PLCH1: variants seen among roughly 807,000 people sequenced by gnomAD.
PLCH1 encodes the protein phospholipase C eta 1, also known as 1-phosphatidylinositol 4,5-bisphosphate phosphodiesterase eta-1.
A neutral mutation model predicts 126.7 loss-of-function variants in PLCH1; 60 were observed. The observed-to-expected ratio is 0.47, with a 90% CI of 0.38 to 0.59. PLCH1 has a LOEUF of 0.59. PLCH1 is among the 20% of genes least tolerant of loss of function. The pLI, the probability that PLCH1 is intolerant of heterozygous loss-of-function variation, is 0.00. For synonymous variants in PLCH1, 719 were observed against 734.9 expected, an observed-to-expected ratio of 0.98 and a Z score of 0.35; for missense variants, 1,723 against 2,040.0, an observed-to-expected ratio of 0.84 and a Z score of 2.99.
intron 6 of PLCH1, 67 bp downstream of exon 6, chr3:155,583,405 C>T: frequency 7.6e-7 from 1 of 1,316,854 alleles, no homozygotes; most frequent in Non-Finnish European, 1.1e-6. Flanking sequence ...ATATTTAACC[C>T]CAAAAGAAAG....
In PLCH1 at chr3:155,488,700, A is replaced by G. The variant is rs773202614; in HGVS notation, c.2499T>C (p.Phe833=). ...TGAAGGTCACAGTTCTTTGTCCAAC[A>G]AAGTCTCGTCCAATGGGATCGTGAT... is the stretch of plus-strand genomic sequence containing the variant. ...VWDHDPIGRD[F]VGQRTVTFSS... is the part of the protein sequence containing the mutation. The change falls in exon 20 of 23, where the codon TTT becomes TTC. Residue 833 remains phenylalanine, a synonymous_variant. Transcript: ENST00000460012. The G allele has an allele frequency of 2.5e-6, 4 of 1,614,008 alleles. No individual in the cohort carries two copies. Among genetic ancestry groups the G allele is most frequent in the Non-Finnish European group, 3.4e-6 (4 of 1,179,950 alleles).
intron 21 of PLCH1, among the ~76,000 whole-genome samples, chr3:155,467,961 A>G (rs1031743332): frequency 2.0e-5 from 3 of 152,206 alleles, no homozygotes; most frequent in African/African-American, 7.2e-5. Context: ...AGAGCATTAT[A>G]ACACCATAAC....
intron 10 of PLCH1, among the ~76,000 whole-genome samples, chr3:155,543,366 C>T (rs967204676): frequency 6.6e-6 from 1 of 152,138 alleles, no homozygotes; most frequent in Non-Finnish European, 1.5e-5. Context: ...TGAACAAAGC[C>T]TCCAAGAAAT....
intron 2 of PLCH1, among the ~76,000 whole-genome samples, chr3:155,640,595 T>C (rs1739286901): frequency 6.6e-6 from 1 of 152,142 alleles, no homozygotes; most frequent in Non-Finnish European, 1.5e-5. Flanking sequence ...CTGTTGCTCA[T>C]GTGTAATGCT....
chr3:155,534,458 G>A (rs563532557), intron 10 of PLCH1, among the ~76,000 whole-genome samples: 11 of 152,244 alleles, frequency 7.2e-5, no homozygotes, highest in African/African-American at 1.7e-4. Flanking sequence ...TTGAAGTAAC[G>A]AACTTGCTTT....
At chr3:155,518,874 A>G (rs11915298) in intron 11 of PLCH1, among the ~76,000 whole-genome samples, 11,974 of 152,262 alleles carry the variant, frequency 0.079, 1,051 homozygotes, top group African/African-American at 0.22. Flanking sequence ...CTGTGGCCAT[A>G]ACACCAAGTC....
rs549889329 is a variant in PLCH1 at position 155,530,037 on chromosome 3, C to T, written c.1363-6033G>A. ...CCGCCTTGGCCTCCCAAGGCATTAG[C>T]CACCACACCTGGCCAGCAATTTCTT... On this transcript the variant is annotated intron_variant, in intron 10 of 22. Coordinates refer to ENST00000460012, the MANE Select transcript of PLCH1 (RefSeq NM_014996.4). Among the ~76,000 whole-genome samples the T allele has an allele frequency of 2.6e-5, 4 of 152,084 alleles. No homozygotes were observed. The East Asian group carries it at 7.8e-4, about 30-fold the overall frequency.
At chr3:155,685,694 A>G (rs1049852207) in intron 2 of PLCH1, among the ~76,000 whole-genome samples, 1 of 152,214 alleles carries the variant, frequency 6.6e-6, no homozygotes, top group Non-Finnish European at 1.5e-5. Flanking sequence ...ATCTATAATA[A>G]CAGATGCAAA....
intron 10 of PLCH1, among the ~76,000 whole-genome samples, chr3:155,546,504 C>A (rs1172424224): frequency 3.3e-5 from 5 of 152,248 alleles, no homozygotes; most frequent in Admixed American, 2.6e-4. Context: ...CATCAAGCTA[C>A]CAATGACTTT....
At chr3:155,605,485 G>A (rs937337916) in intron 2 of PLCH1, among the ~76,000 whole-genome samples, 1 of 152,142 alleles carries the variant, frequency 6.6e-6, no homozygotes, top group Non-Finnish European at 1.5e-5. Context: ...AAAACAAAAA[G>A]GACTTTAGCA....
At chr3:155,662,444 G>C (rs570458802) in intron 2 of PLCH1, among the ~76,000 whole-genome samples, 1 of 151,616 alleles carries the variant, frequency 6.6e-6, no homozygotes, top group East Asian at 1.9e-4. Context: ...CTCCAGCCTA[G>C]GTGACAGAGT....
chr3:155,655,738 T>C (rs1266938702), intron 2 of PLCH1, among the ~76,000 whole-genome samples: 2 of 152,042 alleles, frequency 1.3e-5, no homozygotes, highest in Non-Finnish European at 2.9e-5. Context: ...AAGGGGGTAG[T>C]GGGGACTTAG....
At chr3:155,738,948 A>G (rs1488205651) in intron 1 of PLCH1, among the ~76,000 whole-genome samples, 1 of 152,172 alleles carries the variant, frequency 6.6e-6, no homozygotes, top group Non-Finnish European at 1.5e-5. Context: ...AAAATATACA[A>G]AAATAAAAGC....
intron 1 of PLCH1, among the ~76,000 whole-genome samples, chr3:155,729,652 A>C (rs1026474025): frequency 6.6e-6 from 1 of 152,220 alleles, no homozygotes; most frequent in Non-Finnish European, 1.5e-5. Context: ...GGCCAGGCAC[A>C]GTGGCTCACG....
At chr3:155,602,041 C>T (rs747094727) in intron 2 of PLCH1, among the ~76,000 whole-genome samples, 13 of 151,580 alleles carry the variant, frequency 8.6e-5, no homozygotes, top group Non-Finnish European at 1.3e-4. Context: ...CCTCCAGCCC[C>T]GCCACATCAT....
chr3:155,547,817 A>G (rs1347811739), intron 10 of PLCH1, among the ~76,000 whole-genome samples: 1 of 145,084 alleles, frequency 6.9e-6, no homozygotes, highest in Non-Finnish European at 1.5e-5. Flanking sequence ...GCATATTCTC[A>G]CTCATAGGTG....
intron 4 of PLCH1, among the ~76,000 whole-genome samples, chr3:155,590,935 T>G (rs359564): frequency 0.61 from 93,089 of 151,934 alleles, 29,700 homozygotes; most frequent in Middle Eastern, 0.77. Flanking sequence ...GCTTCTATAT[T>G]TCTTATAAAA....
intron 2 of PLCH1, among the ~76,000 whole-genome samples, chr3:155,631,777 A>C (rs1738056471): frequency 6.6e-6 from 1 of 152,216 alleles, no homozygotes; most frequent in Non-Finnish European, 1.5e-5. Context: ...GCTCTGTGCA[A>C]GACAGTGCTA....
chr3:155,583,735 C>T, intron 5 of PLCH1, 93 bp from the exon 6 acceptor site: 5 of 837,190 alleles, frequency 6.0e-6, no homozygotes, highest in Non-Finnish European at 8.8e-6. Context: ...AGAGCTAGTA[C>T]ACAAATCCCA....
Sources: allele counts gnomAD v4.1 joint callset (sites outside exome capture counted in the v4.1 genomes callset), GRCh38; gene constraint gnomAD v4.1.1; transcripts MANE v1.5; gene names NCBI Gene and HGNC (gene_info 2026-07-23, HGNC 2026-07-21).